The following NTRK3 variants were observed in gnomAD, a reference collection of about 807,000 sequenced individuals.
NTRK3 encodes the protein NT-3 growth factor receptor.
NTRK3 carries 24 observed loss-of-function variants against 91.7 expected under a neutral mutation model. The ratio of observed to expected loss-of-function variants is 0.26; its 90% CI spans 0.19 to 0.37. The LOEUF (loss-of-function observed/expected upper bound fraction) is 0.37, where lower values mean the gene tolerates loss of function less well. Ranked by LOEUF, NTRK3 falls within the 10% of genes least tolerant of loss-of-function variation. The pLI, the probability that NTRK3 is intolerant of heterozygous loss-of-function variation, is 1.00. For synonymous variants in NTRK3, 483 were observed against 404.0 expected (o/e 1.20, Z -2.34); for missense variants, 880 against 1,068.9 (o/e 0.82, Z 2.46).
intron 5 of NTRK3, among the ~76,000 whole-genome samples, chr15:88,180,034 T>C (rs759295930): frequency 7.2e-5 from 11 of 152,160 alleles, no homozygotes; most frequent in Non-Finnish European, 1.3e-4. Flanking sequence ...GATTCTATCA[T>C]CACCACCAGG....
chr15:87,863,958 C>G (rs1400328361), exon 19 of NTRK3: 1 of 226,218 alleles, frequency 4.4e-6, no homozygotes, highest in Non-Finnish European at 8.6e-6. Context: ...TGCCTTTAAC[C>G]CCCCACCAGG....
At chr15:88,149,708 T>C (rs1418052095) in intron 5 of NTRK3, among the ~76,000 whole-genome samples, 1 of 152,040 alleles carries the variant, frequency 6.6e-6, no homozygotes, top group African/African-American at 2.4e-5. Flanking sequence ...CTCAGAAGGG[T>C]GGAGCTGGAG....
At chr15:88,133,243 G>T (rs575769857) in intron 10 of NTRK3, among the ~76,000 whole-genome samples, 1 of 152,260 alleles carries the variant, frequency 6.6e-6, no homozygotes, top group African/African-American at 2.4e-5. Context: ...GCTGCATCTC[G>T]TGGGGGCAGA....
chr15:88,033,142 A>C, intron 13 of NTRK3, 97 bp from the exon 14 acceptor site: 1 of 1,026,712 alleles, frequency 9.7e-7, no homozygotes, highest in Non-Finnish European at 1.4e-6. Flanking sequence ...TTCCCATCAC[A>C]AACATTTTCT....
chr15:87,995,409 GC>G lies in NTRK3; in HGVS notation c.1585+37447del, dbSNP rs200780353. Among the ~76,000 whole-genome samples the G allele has an allele frequency of 2.0e-4, 31 of 152,292 alleles. 1 individual carries two copies. In the East Asian group the frequency reaches 5.8e-3, roughly 28 times the overall value. On this transcript the variant is annotated intron_variant, in intron 14 of 18. Transcript: ENST00000394480. The stretch of plus-strand genomic sequence containing the variant: ...TGGAGGAGACAGCTGTTGCCATGAG[GC>G]CTAAAGGAGACATAAGATTTTCTCC...
intron 3 of NTRK3, among the ~76,000 whole-genome samples, chr15:88,238,653 C>G (rs1342387950): frequency 6.6e-6 from 1 of 152,344 alleles, no homozygotes; most frequent in South Asian, 2.1e-4. Flanking sequence ...GTATGTCACT[C>G]TGCAACTTAT....
chr15:88,010,870 C>T (rs1161472720), intron 14 of NTRK3, among the ~76,000 whole-genome samples: 2 of 152,092 alleles, frequency 1.3e-5, no homozygotes, highest in African/African-American at 2.4e-5. Context: ...CACCTGCCAC[C>T]ACATCATGCA....
In NTRK3 at chr15:88,143,097, C is replaced by T. The variant is rs553315860; in HGVS notation, c.464+4238G>A. 7.6e-4 allele frequency among the ~76,000 whole-genome samples: 116 copies of T among 152,112 alleles called. 1 individual carries two copies. The highest frequency in any genetic ancestry group is 2.2e-3 in the Admixed American group (33 of 15,270). ...AATTAACTGGGCATGGTGGTGCTCG[C>T]CTGTAATTCCAGCTACTTGGGAGGC... is the stretch of plus-strand genomic sequence containing the variant. On this transcript the variant is annotated intron_variant, in intron 6 of 18. Coordinates refer to ENST00000394480, the Ensembl canonical transcript of NTRK3.
intron 13 of NTRK3, among the ~76,000 whole-genome samples, chr15:88,096,550 T>C (rs1430236424): frequency 6.6e-6 from 1 of 152,192 alleles, no homozygotes; most frequent in African/African-American, 2.4e-5. Flanking sequence ...CTCAAGAGCC[T>C]GCATCCTTTT....
exon 13 of NTRK3, chr15:88,126,275 C>T (rs761732265): frequency 6.2e-7 from 1 of 1,611,246 alleles, no homozygotes; most frequent in Non-Finnish European, 8.5e-7. Context: ...CCTTACCCTT[C>T]ATTCCAAATT....
intron 14 of NTRK3, among the ~76,000 whole-genome samples, chr15:88,000,576 ATTC>A (rs976587313): frequency 3.3e-5 from 5 of 152,216 alleles, no homozygotes; most frequent in African/African-American, 1.2e-4. Flanking sequence ...GGATTTGCTT[ATTC>A]TGGACAAATC....
chr15:87,929,296 C>T (rs201117946), exon 17 of NTRK3: 6 of 1,614,172 alleles, frequency 3.7e-6, no homozygotes, highest in Non-Finnish European at 5.1e-6. Flanking sequence ...GGTCTCGGTG[C>T]ACAAAGTGCT....
intron 13 of NTRK3, among the ~76,000 whole-genome samples, chr15:88,106,207 T>C (rs527324562): frequency 6.6e-6 from 1 of 152,354 alleles, no homozygotes; most frequent in South Asian, 2.1e-4. Flanking sequence ...CAGCGGCTGC[T>C]ACAGCGGCCG....
intron 14 of NTRK3, among the ~76,000 whole-genome samples, chr15:88,021,208 C>T (rs777884200): frequency 2.0e-5 from 3 of 152,222 alleles, no homozygotes; most frequent in Non-Finnish European, 2.9e-5. Context: ...CACCCCAATT[C>T]GGGCTATTCC....
rs10544243 is a variant in NTRK3, at chr15:87,941,472, T to TACACACAC, written c.1586-727_1586-720dup. On this transcript the variant is annotated intron_variant, in intron 14 of 18. Transcript: ENST00000394480. Reference sequence around the variant, plus strand: ...ACACGCATGCACACACACATACACATACACACACACACACACACACACACA... The same window carrying TACACACAC: ...ACACGCATGCACACACACATACACATACACACACACACACACACACACACACACACACA... Among the ~76,000 whole-genome samples, 11 of 148,982 alleles carry TACACACAC rather than the reference T, an allele frequency of 7.4e-5. No individual in the cohort carries two copies. In the South Asian group the frequency reaches 8.6e-4, roughly 12 times the overall value.
chr15:88,019,385 C>A (rs1758732525), intron 14 of NTRK3, among the ~76,000 whole-genome samples: 1 of 152,216 alleles, frequency 6.6e-6, no homozygotes, highest in African/African-American at 2.4e-5. Flanking sequence ...TTCTTGCTAA[C>A]AGAGCCCTGT....
chr15:88,114,815 A>T (rs1425569999), intron 13 of NTRK3, among the ~76,000 whole-genome samples: 3 of 152,226 alleles, frequency 2.0e-5, no homozygotes, highest in Admixed American at 6.5e-5. Context: ...TTTTCTTACC[A>T]TTTGCATATG....
At chr15:88,029,625 G>A (rs1461599821) in intron 14 of NTRK3, among the ~76,000 whole-genome samples, 2 of 152,178 alleles carry the variant, frequency 1.3e-5, no homozygotes, top group Non-Finnish European at 2.9e-5. Context: ...TCAGAATGAG[G>A]AGACCCCCTG....
At chr15:87,863,688 T>C in exon 19 of NTRK3, 2 of 226,774 alleles carry the variant, frequency 8.8e-6, no homozygotes, top group Non-Finnish European at 1.8e-5. Flanking sequence ...AGAAAGATTG[T>C]AAACAGATGC....
Sources: allele counts gnomAD v4.1 joint callset (sites outside exome capture counted in the v4.1 genomes callset), GRCh38; gene constraint gnomAD v4.1.1; transcripts MANE v1.5; gene names NCBI Gene and HGNC (gene_info 2026-07-23, HGNC 2026-07-21).